Variants in AKAP14 observed in about 807,000 individuals in gnomAD.
The protein encoded by AKAP14 is A-kinase anchor protein 14.
AKAP14 carries 4 observed loss-of-function variants against 17.0 expected under a neutral mutation model. The ratio of observed to expected loss-of-function variants is 0.23; its 90% confidence interval spans 0.12 to 0.54. The LOEUF (loss-of-function observed/expected upper bound fraction) is 0.54, where lower values mean the gene tolerates loss of function less well. Among genes scored for constraint, AKAP14 ranks in the 20% least tolerant of loss-of-function variants. The pLI is 0.95. For missense variants in AKAP14, 129 were observed against 150.9 expected (o/e 0.85, Z 0.76); for synonymous variants, 42 against 51.3 (o/e 0.82, Z 0.77).
At position 119,910,583 on chromosome X, in the gene AKAP14, C is replaced by A. The variant is rs1380659595; in HGVS notation, c.262-4116C>A. On this transcript the variant is annotated intron_variant, in intron 4 of 6. Transcript: ENST00000371431. ...TAGGCACTCTTCCCTTTGTATCCCC[C>A]TTTCTCCTTCAAAAGATGAAAAAAT... Among the ~76,000 whole-genome samples, 9 of 111,838 alleles carry A rather than the reference C, an allele frequency of 8.0e-5. No homozygotes were observed. The Admixed American group carries it at 8.6e-4, about 11-fold the overall frequency.
At chrX:119,898,433 C>T (rs2056543925) in intron 2 of AKAP14, among the ~76,000 whole-genome samples, 1 of 112,334 alleles carries the variant, frequency 8.9e-6, no homozygotes, top group Non-Finnish European at 1.9e-5. Context: ...CCGTTGGAGC[C>T]AGGTTGCCTT....
intron 4 of AKAP14, among the ~76,000 whole-genome samples, chrX:119,903,912 T>C (rs1000360202): frequency 9.0e-6 from 1 of 111,467 alleles, no homozygotes; most frequent in Non-Finnish European, 1.9e-5. Flanking sequence ...AGGGAGATGC[T>C]CCTCCAAAAT....
chrX:119,904,744 G>T (rs777419853), intron 4 of AKAP14, among the ~76,000 whole-genome samples: 1 of 111,377 alleles, frequency 9.0e-6, no homozygotes, highest in African/African-American at 3.3e-5. Context: ...TTAGCCAGGC[G>T]TGGTGCTGGG....
At chrX:119,913,046 G>C (rs2056636512) in intron 4 of AKAP14, among the ~76,000 whole-genome samples, 1 of 109,633 alleles carries the variant, frequency 9.1e-6, no homozygotes, top group Non-Finnish European at 1.9e-5. Flanking sequence ...CCAGCACTTT[G>C]GTAGGCTGAG....
chrX:119,910,838 T>C (rs1171250609), intron 4 of AKAP14, among the ~76,000 whole-genome samples: 2 of 108,571 alleles, frequency 1.8e-5, no homozygotes, highest in African/African-American at 6.7e-5. Context: ...AATTTTGTAT[T>C]TTTAGTAGAG....
At chrX:119,902,354 G>A (rs569205461) in intron 2 of AKAP14, among the ~76,000 whole-genome samples, 2 of 111,221 alleles carry the variant, frequency 1.8e-5, no homozygotes, top group African/African-American at 6.5e-5. Context: ...GATTACAGGC[G>A]TGAGCCACCG....
chrX:119,907,682 C>T (rs1295987351), intron 4 of AKAP14, among the ~76,000 whole-genome samples: 1 of 110,021 alleles, frequency 9.1e-6, no homozygotes, highest in Non-Finnish European at 1.9e-5. Context: ...TGGTCTTGAA[C>T]TCCTGGCCTC....
intron 5 of AKAP14, among the ~76,000 whole-genome samples, chrX:119,915,754 C>T (rs919352278): frequency 9.0e-6 from 1 of 111,412 alleles, no homozygotes; most frequent in East Asian, 2.8e-4. Context: ...GATCCACCCA[C>T]CTTGGCCTCC....
At chrX:119,915,511 A>AT (rs33972752) in intron 5 of AKAP14, among the ~76,000 whole-genome samples, 55 of 106,522 alleles carry the variant, frequency 5.2e-4, no homozygotes, top group African/African-American at 1.3e-3. Context: ...AATCCAACAA[A>AT]TTTTTTTTTT....
rs765107118 is a variant in AKAP14 at position 119,896,805 on chromosome X, C to CTTTTTTTTTTTTTT, written c.-11+545_-11+546insTTTTTTTTTTTTTT. On this transcript the variant is annotated intron_variant, in intron 2 of 6. Transcript: ENST00000371431. Reference sequence around the variant, plus strand: ...CAAATGGGCAATTTTCTTTTCTTTTCTTTTTTTCTTTTTTTTTTTTTTTGA... The same window carrying CTTTTTTTTTTTTTT: ...CAAATGGGCAATTTTCTTTTCTTTTCTTTTTTTTTTTTTTTTTTTTTCTTTTTTTTTTTTTTTGA... Among the ~76,000 whole-genome samples the CTTTTTTTTTTTTTT allele has an allele frequency of 4.2e-5, 3 of 70,768 alleles. 1 individual carries two copies. Among genetic ancestry groups the CTTTTTTTTTTTTTT allele is most frequent in the African/African-American group, 1.7e-4 (3 of 17,467 alleles). The allele number at this position is 70,768 out of a possible 115,157, so 61.5% of individuals were successfully genotyped here. A position where few individuals can be genotyped will look rare whatever the true frequency, so the allele number is the denominator to read the frequency against.
intron 2 of AKAP14, among the ~76,000 whole-genome samples, chrX:119,896,809 T>C (rs1277238803): frequency 1.8e-5 from 1 of 56,967 alleles, no homozygotes; most frequent in Admixed American, 2.3e-4. Context: ...TCTTTTCTTT[T>C]TTTCTTTTTT....
chrX:119,904,568 T>C (rs1182523482), intron 4 of AKAP14, among the ~76,000 whole-genome samples: 4 of 111,433 alleles, frequency 3.6e-5, no homozygotes, highest in Non-Finnish European at 7.5e-5. Context: ...CTGGGCAACA[T>C]AGTGGGACCC....
chrX:119,911,394 T>C (rs1234724135), intron 4 of AKAP14, among the ~76,000 whole-genome samples: 2 of 109,179 alleles, frequency 1.8e-5, no homozygotes, highest in African/African-American at 6.6e-5. Flanking sequence ...ATATGGAGAC[T>C]ACAACGCAGA....
chrX:119,908,841 C>T (rs1490417511), intron 4 of AKAP14, among the ~76,000 whole-genome samples: 1 of 111,768 alleles, frequency 8.9e-6, no homozygotes, highest in Non-Finnish European at 1.9e-5. Flanking sequence ...GGAGATTCGC[C>T]TGATGAAAAT....
intron 2 of AKAP14, among the ~76,000 whole-genome samples, chrX:119,901,412 C>G (rs915883626): frequency 1.8e-5 from 2 of 111,589 alleles, no homozygotes; most frequent in Admixed American, 9.6e-5. Flanking sequence ...CATTTTAACA[C>G]TATCTTTATA....
At chrX:119,903,081 C>A in intron 2 of AKAP14, 133 bp from the exon 3 acceptor site, 2 of 605,397 alleles carry the variant, frequency 3.3e-6, no homozygotes, top group Non-Finnish European at 5.0e-6. Flanking sequence ...ACCCTTAAAC[C>A]CCTAATCCCC....
chrX:119,906,513 G>T (rs1156745608), intron 4 of AKAP14, among the ~76,000 whole-genome samples: 13 of 105,472 alleles, frequency 1.2e-4, no homozygotes, highest in Admixed American at 5.1e-4. Context: ...GATTACAGGC[G>T]TGAGCCATCG....
rs755153304 is a variant in AKAP14, at chrX:119,910,927, GC to G, written c.262-3771del. Among the ~76,000 whole-genome samples the G allele has an allele frequency of 2.2e-3, 234 of 108,782 alleles. 1 individual carries two copies. Among genetic ancestry groups the G allele is most frequent in the African/African-American group, 7.1e-3 (214 of 30,153 alleles). 94.5% of individuals were successfully genotyped at this position (108,782 alleles called of 115,157 possible). A position where few individuals can be genotyped will look rare whatever the true frequency, so the allele number is the denominator to read the frequency against. ...TCCGCCCTCCTCGGCCTCCCAAAGTGCTGGGATTACAGGCGTGAGCCACTGT... is the reference window on the plus strand; with the variant it reads ...TCCGCCCTCCTCGGCCTCCCAAAGTGTGGGATTACAGGCGTGAGCCACTGT... On this transcript the variant is annotated intron_variant, in intron 4 of 6. Coordinates refer to ENST00000371431, the MANE Select transcript of AKAP14 (RefSeq NM_178813.6).
chrX:119,903,455 A>C (rs779499752), intron 3 of AKAP14, 40 bp from the exon 4 acceptor site: 2 of 1,211,655 alleles, frequency 1.7e-6, no homozygotes, highest in Admixed American at 4.4e-5. Context: ...ATAGCACCAC[A>C]CTACCTGGCA....
Sources: gnomAD v4.1 joint callset for allele counts (sites outside exome capture counted in the v4.1 genomes callset) on GRCh38, gnomAD v4.1.1 for gene constraint, MANE v1.5 for transcripts, NCBI Gene and HGNC (gene_info 2026-07-23, HGNC 2026-07-21) for gene names.